MARCHF8: variants seen among roughly 807,000 people sequenced by gnomAD.
MARCHF8 encodes the protein E3 ubiquitin-protein ligase MARCHF8.
A neutral mutation model predicts 51.6 loss-of-function variants in MARCHF8; 40 were observed. The ratio of observed to expected loss-of-function variants is 0.77; its 90% confidence interval spans 0.60 to 1.01. The LOEUF (loss-of-function observed/expected upper bound fraction) is 1.01, where lower values mean the gene tolerates loss of function less well. Among genes scored for constraint, MARCHF8 ranks in the 50% least tolerant of loss-of-function variants. The probability of loss-of-function intolerance (pLI) is 0.00; values close to 1 mark genes in which losing one functional copy is unlikely to be tolerated. For missense variants in MARCHF8, 685 were observed against 708.6 expected, an observed-to-expected ratio of 0.97 and a Z score of 0.38; for synonymous variants, 263 against 280.3, an observed-to-expected ratio of 0.94 and a Z score of 0.62.
At chr10:45,499,164 C>T (rs985445647) in intron 2 of MARCHF8, among the ~76,000 whole-genome samples, 9 of 152,150 alleles carry the variant, frequency 5.9e-5, no homozygotes, top group African/African-American at 1.9e-4. Flanking sequence ...AAAGTGGTAT[C>T]TCACTGTGGT....
At chr10:45,521,999 T>G (rs2043713636) in intron 2 of MARCHF8, among the ~76,000 whole-genome samples, 1 of 152,188 alleles carries the variant, frequency 6.6e-6, no homozygotes, top group African/African-American at 2.4e-5. Flanking sequence ...TTACAGGTAT[T>G]TATGTTTTTA....
intron 2 of MARCHF8, among the ~76,000 whole-genome samples, chr10:45,530,168 T>C (rs2043854062): frequency 6.6e-6 from 1 of 152,166 alleles, no homozygotes; most frequent in African/African-American, 2.4e-5. Context: ...TTAAGTGAAA[T>C]AACTCAGAAA....
At chr10:45,464,058 C>A in intron 4 of MARCHF8, 62 bp from the exon 5 acceptor site, 7 of 1,501,286 alleles carry the variant, frequency 4.7e-6, no homozygotes, top group Middle Eastern at 1.7e-4. Context: ...AGAGAATAGA[C>A]ATCATAGTGA....
chr10:45,523,093 C>G (rs926408400), intron 2 of MARCHF8, among the ~76,000 whole-genome samples: 1 of 152,186 alleles, frequency 6.6e-6, no homozygotes, highest in Non-Finnish European at 1.5e-5. Flanking sequence ...AATATACAGT[C>G]AGGCATTTAT....
At chr10:45,574,630 A>C (rs978381262) in intron 1 of MARCHF8, among the ~76,000 whole-genome samples, 1 of 152,078 alleles carries the variant, frequency 6.6e-6, no homozygotes, top group Non-Finnish European at 1.5e-5. Flanking sequence ...AAGAGCTGGG[A>C]CCGCGCCCTG....
At chr10:45,550,538 G>C (rs2044183060) in intron 1 of MARCHF8, among the ~76,000 whole-genome samples, 1 of 152,108 alleles carries the variant, frequency 6.6e-6, no homozygotes, top group African/African-American at 2.4e-5. Flanking sequence ...TGTCATCTCA[G>C]GCCAGAACAA....
At chr10:45,579,511 G>C (rs768259727) in intron 1 of MARCHF8, among the ~76,000 whole-genome samples, 1 of 151,986 alleles carries the variant, frequency 6.6e-6, no homozygotes, top group Non-Finnish European at 1.5e-5. Context: ...CTGCACAAAA[G>C]AAGCTAATGA....
rs1429297267 is a variant in MARCHF8, at chr10:45,463,843, A to G, written c.396T>C (p.Phe132=). The change falls in exon 5 of 8, where the codon TTT becomes TTC. Residue 132 remains phenylalanine (F), a synonymous_variant. Transcript: ENST00000453424. The part of the protein sequence containing the change: ...DTLQASKRNS[F]GSEWAQALKP... ...TCAAGGCCTGGGCCCATTCTGAACCAAAGGAATTTCTCTTTGACGCCTGTA... is the reference window on the plus strand; with the variant it reads ...TCAAGGCCTGGGCCCATTCTGAACCGAAGGAATTTCTCTTTGACGCCTGTA... The G allele has an allele frequency of 5.2e-6, 8 of 1,543,756 alleles. No homozygotes were observed. The highest frequency in any genetic ancestry group is 7.0e-6 in the Non-Finnish European group (8 of 1,147,016).
chr10:45,574,625 C>A (rs2044468976), intron 1 of MARCHF8, among the ~76,000 whole-genome samples: 1 of 152,168 alleles, frequency 6.6e-6, no homozygotes, highest in African/African-American at 2.4e-5. Context: ...TACACAAGAG[C>A]TGGGACCGCG....
chr10:45,533,068 T>C, intron 2 of MARCHF8, 42 bp downstream of exon 2: 2 of 1,498,066 alleles, frequency 1.3e-6, no homozygotes, highest in Non-Finnish European at 1.8e-6. Context: ...TAATAAAAAT[T>C]TAATAAAAAT....
chr10:45,515,227 G>A (rs1210564337), intron 2 of MARCHF8, among the ~76,000 whole-genome samples: 4 of 152,200 alleles, frequency 2.6e-5, no homozygotes, highest in African/African-American at 7.2e-5. Context: ...AACCAGAGAA[G>A]GGAAGGCCAA....
chr10:45,554,078 G>T (rs1329152678), intron 1 of MARCHF8, among the ~76,000 whole-genome samples: 1 of 152,104 alleles, frequency 6.6e-6, no homozygotes, highest in Non-Finnish European at 1.5e-5. Flanking sequence ...CATGCAAAAA[G>T]GAATTATTTC....
intron 2 of MARCHF8, among the ~76,000 whole-genome samples, chr10:45,514,244 T>C (rs2043582851): frequency 6.6e-6 from 1 of 152,230 alleles, no homozygotes; most frequent in South Asian, 2.1e-4. Context: ...CTTGAGCAAC[T>C]CTGGGTTCTA....
At chr10:45,526,641 C>A (rs1450369173) in intron 2 of MARCHF8, among the ~76,000 whole-genome samples, 1 of 151,944 alleles carries the variant, frequency 6.6e-6, no homozygotes, top group Non-Finnish European at 1.5e-5. Flanking sequence ...AATTACCCAG[C>A]CTTGGGCATT....
chr10:45,532,629 C>T (rs2043905781), intron 2 of MARCHF8, among the ~76,000 whole-genome samples: 1 of 152,190 alleles, frequency 6.6e-6, no homozygotes, highest in South Asian at 2.1e-4. Flanking sequence ...TCACCAGAAT[C>T]CAACCATGCT....
intron 2 of MARCHF8, among the ~76,000 whole-genome samples, chr10:45,526,183 T>C (rs10900223): frequency 0.22 from 33,591 of 150,734 alleles, 4,043 homozygotes; most frequent in Admixed American, 0.29. Flanking sequence ...AAACGGCGAG[T>C]AGATATTCAC....
chr10:45,496,318 T>C (rs149094834), intron 2 of MARCHF8, among the ~76,000 whole-genome samples: 21 of 152,310 alleles, frequency 1.4e-4, no homozygotes, highest in African/African-American at 4.6e-4. Context: ...AAAAACTATG[T>C]TTATAATTGT....
At position 45,463,505 on chromosome 10, in the gene MARCHF8, T is replaced by G; in HGVS notation, c.734A>C (p.Glu245Ala). 6.4e-7 allele frequency: 1 copy of G among 1,550,636 alleles called. No individual in the cohort carries two copies. Among genetic ancestry groups the G allele is most frequent in the Non-Finnish European group, 8.7e-7 (1 of 1,147,006 alleles). ...KGGRPGLLLEEKADGEATSRS... is the reference protein window; with the variant it reads ...KGGRPGLLLEAKADGEATSRS... The stretch of plus-strand genomic sequence containing the variant: ...GGACGTGGCCTCACCATCCGCCTTC[T>G]CTTCCAGCAGCAGGCCGGGCCTGCC... Residue 245 changes from glutamate to alanine, a missense_variant, in exon 5 of 8, where the codon GAG becomes GCG. By Grantham distance (107) the Glu-to-Ala change is moderately radical (BLOSUM62 -1). Transcript: ENST00000453424.
intron 3 of MARCHF8, among the ~76,000 whole-genome samples, chr10:45,489,136 G>A (rs1365474505): frequency 6.6e-6 from 1 of 151,948 alleles, no homozygotes. Flanking sequence ...ATGGTTTTCT[G>A]GAAAAAATGG....
Sources: gnomAD v4.1 joint callset for allele counts (sites outside exome capture counted in the v4.1 genomes callset) on GRCh38, gnomAD v4.1.1 for gene constraint, MANE v1.5 for transcripts, NCBI Gene and HGNC (gene_info 2026-07-23, HGNC 2026-07-21) for gene names.